MDGA2: variants seen among roughly 807,000 people sequenced by gnomAD.
The protein encoded by MDGA2 is MAM domain containing glycosylphosphatidylinositol anchor 2, also known as MAM domain-containing glycosylphosphatidylinositol anchor protein 2.
Under a neutral mutation model 117.8 loss-of-function variants are expected in MDGA2, and 40 were observed. The ratio of observed to expected loss-of-function variants is 0.34; its 90% confidence interval spans 0.26 to 0.44. MDGA2 has a LOEUF of 0.44. MDGA2 is among the 20% of genes least tolerant of loss of function. The probability of loss-of-function intolerance (pLI) is 1.00; values close to 1 mark genes in which losing one functional copy is unlikely to be tolerated. For missense variants in MDGA2, 1,123 were observed against 1,250.6 expected (o/e 0.90, Z 1.54); for synonymous variants, 452 against 439.0 (o/e 1.03, Z -0.37).
At chr14:47,019,371 TTTAAAAAGTCAGTTCATTG>T (rs1490352410) in intron 8 of MDGA2, among the ~76,000 whole-genome samples, 1 of 152,164 alleles carries the variant, frequency 6.6e-6, no homozygotes, top group Non-Finnish European at 1.5e-5. Flanking sequence ...AATCTGGCTT[TTTAAAAAGTCAGTTCATTG>T]TTATTTTTGT....
intron 1 of MDGA2, among the ~76,000 whole-genome samples, chr14:47,316,498 G>A (rs1254852347): frequency 6.6e-6 from 1 of 151,784 alleles, no homozygotes; most frequent in African/African-American, 2.4e-5. Flanking sequence ...CTGAAACTGG[G>A]CTTTTCAAAA....
intron 9 of MDGA2, among the ~76,000 whole-genome samples, chr14:46,937,770 A>T (rs1314011898): frequency 2.0e-5 from 3 of 152,224 alleles, no homozygotes; most frequent in East Asian, 3.9e-4. Flanking sequence ...GAAACTAGAC[A>T]TCTATCTCTT....
rs201317261 is a variant in MDGA2 at position 47,312,697 on chromosome 14, TG to T, written c.281-11148del. On this transcript the variant is annotated intron_variant, in intron 1 of 16. Coordinates refer to ENST00000399232, the MANE Select transcript of MDGA2 (RefSeq NM_001113498.3). The stretch of plus-strand genomic sequence containing the variant: ...TTTTAGTTTTTTTTTTGTTTTGTTT[TG>T]TTTTTTTTTTTTGTAGAGATAGGGT... Among the ~76,000 whole-genome samples, 186 of 141,012 alleles carry T rather than the reference TG, an allele frequency of 1.3e-3. 14 individuals are homozygous for T. The South Asian group carries it at 0.014, about 11-fold the overall frequency. 92.5% of individuals were successfully genotyped at this position (141,012 alleles called of 152,430 possible). A position where few individuals can be genotyped will look rare whatever the true frequency, so the allele number is the denominator to read the frequency against.
In MDGA2 at chr14:47,537,310, G is replaced by T. The variant is rs944121220; in HGVS notation, c.280+137207C>A. Among the ~76,000 whole-genome samples the T allele has an allele frequency of 4.3e-5, 5 of 117,184 alleles. No individual in the cohort carries two copies. The South Asian group carries it at 1.2e-3, about 28-fold the overall frequency. The allele number at this position is 117,184 out of a possible 152,430, so 76.9% of individuals were successfully genotyped here. A position where few individuals can be genotyped will look rare whatever the true frequency, so the allele number is the denominator to read the frequency against. On this transcript the variant is annotated intron_variant, in intron 1 of 16. Transcript: ENST00000399232. ...ATCACACACCAGGGCCTGTTGTCGG[G>T]TGGGGGGAGGGGGGAGGGATAGCAT...
intron 1 of MDGA2, among the ~76,000 whole-genome samples, chr14:47,518,192 G>T (rs1408452843): frequency 6.6e-6 from 1 of 152,140 alleles, no homozygotes; most frequent in East Asian, 1.9e-4. Flanking sequence ...TCTAGAAGCA[G>T]AATACTGTAA....
chr14:47,216,558 T>C (rs563374961), intron 3 of MDGA2, among the ~76,000 whole-genome samples: 1 of 152,270 alleles, frequency 6.6e-6, no homozygotes, highest in South Asian at 2.1e-4. Context: ...GTTTTGCTTA[T>C]AAAAGTTACA....
chr14:47,470,005 C>G (rs921482444), intron 1 of MDGA2, among the ~76,000 whole-genome samples: 2 of 152,068 alleles, frequency 1.3e-5, no homozygotes, highest in African/African-American at 4.8e-5. Context: ...GTCAGTAACC[C>G]CACAGGCAGG....
chr14:47,009,345 T>C (rs1407905755), intron 8 of MDGA2, among the ~76,000 whole-genome samples: 3 of 152,098 alleles, frequency 2.0e-5, no homozygotes, highest in Non-Finnish European at 2.9e-5. Context: ...AAGATAACTA[T>C]TATGAGAATA....
At chr14:47,610,884 A>G (rs976896225) in intron 1 of MDGA2, among the ~76,000 whole-genome samples, 1 of 152,124 alleles carries the variant, frequency 6.6e-6, no homozygotes, top group South Asian at 2.1e-4. Context: ...GAAACCAAAA[A>G]AGAGCCCGCA....
chr14:47,129,000 T>C (rs1566640564), intron 5 of MDGA2, among the ~76,000 whole-genome samples: 1 of 152,092 alleles, frequency 6.6e-6, no homozygotes, highest in East Asian at 1.9e-4. Flanking sequence ...CCATCAACTA[T>C]TTCTTATGAT....
At chr14:47,131,452 T>C (rs1190381758) in intron 5 of MDGA2, among the ~76,000 whole-genome samples, 1 of 152,024 alleles carries the variant, frequency 6.6e-6, no homozygotes, top group Non-Finnish European at 1.5e-5. Flanking sequence ...ATATGCTCGT[T>C]AGTGACATTT....
chr14:47,498,770 C>T (rs1455918645), intron 1 of MDGA2, among the ~76,000 whole-genome samples: 2 of 152,188 alleles, frequency 1.3e-5, no homozygotes, highest in East Asian at 1.9e-4. Flanking sequence ...TATTTCAATT[C>T]TTGCACTGAA....
intron 1 of MDGA2, among the ~76,000 whole-genome samples, chr14:47,347,250 G>A (rs1890780784): frequency 6.6e-6 from 1 of 152,110 alleles, no homozygotes; most frequent in African/African-American, 2.4e-5. Flanking sequence ...CACACGTAAC[G>A]GTTTCAATAG....
chr14:46,960,913 T>C (rs1295423566), intron 8 of MDGA2, among the ~76,000 whole-genome samples: 1 of 146,528 alleles, frequency 6.8e-6, no homozygotes, highest in Non-Finnish European at 1.5e-5. Flanking sequence ...TATTTAATGT[T>C]TTATATATAC....
chr14:47,122,247 G>A (rs1566637105), intron 5 of MDGA2, among the ~76,000 whole-genome samples: 1 of 152,036 alleles, frequency 6.6e-6, no homozygotes, highest in African/African-American at 2.4e-5. Context: ...CTCTACTGTA[G>A]AGAGAACCAG....
chr14:47,569,075 T>C (rs1895971819), intron 1 of MDGA2, among the ~76,000 whole-genome samples: 1 of 152,144 alleles, frequency 6.6e-6, no homozygotes, highest in Non-Finnish European at 1.5e-5. Flanking sequence ...TATCTAACCT[T>C]GTGGAGTTTT....
rs1555374518 is a variant in MDGA2 at position 47,335,734 on chromosome 14, T to TATATATATATATATATATATATATATA, written c.281-34185_281-34184insTATATATATATATATATATATATATAT. 2.2e-3 allele frequency among the ~76,000 whole-genome samples: 106 copies of TATATATATATATATATATATATATATA among 47,972 alleles called. 4 individuals carry two copies. Among genetic ancestry groups the TATATATATATATATATATATATATATA allele is most frequent in the African/African-American group, 6.8e-3 (92 of 13,488 alleles). The allele number at this position is 47,972 out of a possible 152,430, so 31.5% of individuals were successfully genotyped here. A position where few individuals can be genotyped will look rare whatever the true frequency, so the allele number is the denominator to read the frequency against. ...ACACATACACATGCACACATATATT[T>TATATATATATATATATATATATATATA]TATATATATATATACATACATACAT... On this transcript the variant is annotated intron_variant, in intron 1 of 16. Coordinates refer to ENST00000399232, the MANE Select transcript of MDGA2 (RefSeq NM_001113498.3).
At chr14:47,025,359 T>G (rs1594539623) in intron 8 of MDGA2, among the ~76,000 whole-genome samples, 1 of 152,134 alleles carries the variant, frequency 6.6e-6, no homozygotes, top group African/African-American at 2.4e-5. Flanking sequence ...GCCATGGCTT[T>G]GAGCTTAGTG....
intron 1 of MDGA2, among the ~76,000 whole-genome samples, chr14:47,666,358 C>A (rs970984293): frequency 2.1e-5 from 3 of 144,842 alleles, no homozygotes; most frequent in Admixed American, 2.0e-4. Context: ...CTGCTGGGGA[C>A]TTAGAGAACC....
Sources: gnomAD v4.1 joint callset for allele counts (sites outside exome capture counted in the v4.1 genomes callset) on GRCh38, gnomAD v4.1.1 for gene constraint, MANE v1.5 for transcripts, NCBI Gene and HGNC (gene_info 2026-07-23, HGNC 2026-07-21) for gene names.